Variants in DSP observed in about 807,000 individuals in gnomAD.
DSP encodes desmoplakin, also known as 250/210 kDa paraneoplastic pemphigus antigen.
In DSP, 114 loss-of-function variants were observed where a neutral mutation model predicts 290.6. The observed-to-expected ratio is 0.39, with a 90% confidence interval of 0.34 to 0.46. The LOEUF (loss-of-function observed/expected upper bound fraction) is 0.46. Among genes scored for constraint, DSP ranks in the 20% least tolerant of loss-of-function variants. The probability of loss-of-function intolerance (pLI) is 0.99; values close to 1 mark genes in which losing one functional copy is unlikely to be tolerated. For missense variants in DSP, 3,230 were observed against 3,495.8 expected, an observed-to-expected ratio of 0.92 and a Z score of 1.92; for synonymous variants, 1,311 against 1,316.4, an observed-to-expected ratio of 1.00 and a Z score of 0.09.
chr6:7,581,682 T>TTAGA, intron 23 of DSP, 113 bp downstream of exon 23: 1 of 1,464,574 alleles, frequency 6.8e-7, no homozygotes, highest in Non-Finnish European at 9.2e-7. Flanking sequence ...GAAAATCTAA[T>TTAGA]TTTTCTTTTT....
chr6:7,541,890 A>T lies in DSP; in HGVS notation c.-26A>T, dbSNP rs2113628243. On this transcript the variant is annotated 5_prime_UTR_variant, in exon 1 of 24. The change abolishes the stop of an existing upstream ORF in the 5' untranslated region. Coordinates refer to ENST00000379802, the MANE Select transcript of DSP (RefSeq NM_004415.4). ...CCGCCTCGCTTATGCCTCGGCGCTG[A>T]GCCGCTCTCCCGATTGCCCGCCGAC... is the stretch of plus-strand genomic sequence containing the variant. The T allele has an allele frequency of 6.2e-7, 1 of 1,600,780 alleles. No homozygotes were observed. Among genetic ancestry groups the T allele is most frequent in the South Asian group, 1.1e-5 (1 of 89,220 alleles).
intron 19 of DSP, among the ~76,000 whole-genome samples, chr6:7,576,661 C>T (rs1419994900): frequency 6.6e-6 from 1 of 152,130 alleles, no homozygotes; most frequent in Non-Finnish European, 1.5e-5. Flanking sequence ...ATAGAAATAA[C>T]GTGATATTGT....
rs143657621 is a variant in DSP at position 7,579,796 on chromosome 6, G to A, written c.3606G>A (p.Glu1202=). 4 of 1,613,910 alleles carry A rather than the reference G, an allele frequency of 2.5e-6. No homozygotes were observed. In the African/African-American group the frequency reaches 5.3e-5, roughly 22 times the overall value. ...LAKVRNHYNE[E]MSNLRNKYET... ...AGGTAAGAAACCACTATAATGAGGA[G>A]ATGAGTAATTTAAGGAACAAGTATG... Residue 1202 remains glutamate, a synonymous_variant, in exon 23 of 24, where the codon GAG becomes GAA. Coordinates refer to ENST00000379802, the MANE Select transcript of DSP (RefSeq NM_004415.4). This position sits in a 1 kb window ranked among gnomAD's most constrained non-coding sequence, Gnocchi z 4.1.
Position 7,582,662 on chromosome 6 carries a change from A to G in DSP, c.5400A>G (p.Glu1800=). The G allele has an allele frequency of 6.2e-7, 1 of 1,613,902 alleles. No homozygotes were observed. Among genetic ancestry groups the G allele is most frequent in the South Asian group, 1.1e-5 (1 of 91,032 alleles). ...QALEASNRIQ[E]SKNQCTQVVQ... ...TCCAGGCATCTAATAGGATTCAGGA[A>G]TCAAAGAATCAGTGTACTCAGGTGG... Residue 1800 remains glutamate, a synonymous_variant, in exon 24 of 24, where the codon GAA becomes GAG. Transcript: ENST00000379802. The surrounding 1 kb of genome is among the most constrained non-coding windows in gnomAD (Gnocchi z 4.2).
Position 7,577,007 on chromosome 6 carries a change from C to A in DSP, c.2842C>A (p.Gln948Lys). The A allele has an allele frequency of 6.2e-7, 1 of 1,611,994 alleles. No individual in the cohort carries two copies. The highest frequency in any genetic ancestry group is 8.5e-7 in the Non-Finnish European group (1 of 1,179,162). The stretch of plus-strand genomic sequence containing the variant: ...CAAACGAGACAAATCAGAGGAAGTA[C>A]AAAAAATTGCTGAACTTTGCGCCAA... The part of the protein sequence containing the change: ...SGKRDKSEEV[Q>K]KIAELCANSI... Residue 948 changes from glutamine (Q) to lysine (K), a missense_variant, in exon 20 of 24, where the codon CAA becomes AAA. Gln to Lys is a moderately conservative substitution (Grantham distance 53). Around this residue, in one of 5 missense-constraint regions of DSP, gnomAD observed 1,714 missense variants for 1,844.5 expected, o/e 0.93. Transcript: ENST00000379802.
chr6:7,549,852 C>T lies in DSP; in HGVS notation c.171-5866C>T, dbSNP rs547167041. Reference sequence around the variant, plus strand: ...CAAAAAGAAAGGCAAAGTTAGGGGGCATGGTCCAAGTGTCTAATGAGCAAC... The same window carrying T: ...CAAAAAGAAAGGCAAAGTTAGGGGGTATGGTCCAAGTGTCTAATGAGCAAC... On this transcript the variant is annotated intron_variant, in intron 1 of 23. Transcript: ENST00000379802. Among the ~76,000 whole-genome samples, 7 of 152,210 alleles carry T rather than the reference C, an allele frequency of 4.6e-5. No individual in the cohort carries two copies. In the South Asian group the frequency reaches 8.3e-4, roughly 18 times the overall value.
rs1248265041 is a variant in DSP at position 7,582,957 on chromosome 6, A to G, written c.5695A>G (p.Ile1899Val). The G allele has an allele frequency of 1.9e-6, 3 of 1,613,988 alleles. No individual in the cohort carries two copies. The highest frequency in any genetic ancestry group is 2.2e-5 in the South Asian group (2 of 91,090). The stretch of plus-strand genomic sequence containing the variant: ...AGAGAAGAACAGTCTTAGGAGTGAG[A>G]TCGAAAGACTCCAAGCAGAGATCAA... ...EREKNSLRSEIERLQAEIKRI... is the reference protein window; with the variant it reads ...EREKNSLRSEVERLQAEIKRI... Residue 1899 changes from isoleucine to valine, a missense_variant, in exon 24 of 24, where the codon ATC becomes GTC. By Grantham distance (29) the Ile-to-Val change is conservative. Around this residue, in one of 5 missense-constraint regions of DSP, gnomAD observed 1,714 missense variants for 1,844.5 expected, o/e 0.93. Transcript: ENST00000379802. This position sits in a 1 kb window ranked among gnomAD's most constrained non-coding sequence, Gnocchi z 4.2.
chr6:7,549,473 A>C (rs1372032760), intron 1 of DSP, among the ~76,000 whole-genome samples: 1 of 152,178 alleles, frequency 6.6e-6, no homozygotes, highest in African/African-American at 2.4e-5. Flanking sequence ...GTAAAGTATC[A>C]TCCTTAAATG....
intron 10 of DSP, 91 bp from the exon 11 acceptor site, chr6:7,568,346 G>A (rs1244542452): frequency 2.1e-6 from 3 of 1,396,550 alleles, no homozygotes; most frequent in African/African-American, 2.8e-5. Flanking sequence ...GATACTCAGT[G>A]TGTCATGTAG....
In DSP at chr6:7,581,127, A is replaced by G. The variant is rs754401364; in HGVS notation, c.4937A>G (p.Glu1646Gly). 6.2e-7 allele frequency: 1 copy of G among 1,614,118 alleles called. No individual in the cohort carries two copies. Among genetic ancestry groups the G allele is most frequent in the East Asian group, 2.2e-5 (1 of 44,888 alleles). The change falls in exon 23 of 24, where the codon GAA (glutamate) becomes GGA (glycine). Residue 1646 changes from glutamate to glycine, a missense_variant. Glu to Gly is a moderately conservative substitution (Grantham distance 98, BLOSUM62 -2). This residue lies in a region of DSP where 1,714 missense variants were observed against 1,844.5 expected (regional missense o/e 0.93). Coordinates refer to ENST00000379802, the MANE Select transcript of DSP (RefSeq NM_004415.4). Reference sequence around the variant, plus strand: ...GACGTGCTGGATGGCCACCTGAGGGAAAAGCAGAGGACCCAGGAAGAGCTG... The same window carrying G: ...GACGTGCTGGATGGCCACCTGAGGGGAAAGCAGAGGACCCAGGAAGAGCTG... Reference protein sequence around the residue: ...QRDVLDGHLREKQRTQEELRR... With the variant: ...QRDVLDGHLRGKQRTQEELRR...
chr6:7,543,117 T>C (rs1193247935), intron 1 of DSP, among the ~76,000 whole-genome samples: 2 of 152,170 alleles, frequency 1.3e-5, no homozygotes, highest in Non-Finnish European at 2.9e-5. Context: ...AGCTGGACTC[T>C]AGATGCCCAC....
At chr6:7,562,877 T>C (rs1758746552) in intron 5 of DSP, 97 bp downstream of exon 5, 7 of 1,556,052 alleles carry the variant, frequency 4.5e-6, no homozygotes, top group Admixed American at 1.7e-5. Flanking sequence ...ACATTGCTAT[T>C]ATTTCTTTCC....
At chr6:7,571,165 TA>T (rs950080933) in intron 13 of DSP, among the ~76,000 whole-genome samples, 1 of 144,354 alleles carries the variant, frequency 6.9e-6, no homozygotes, top group Non-Finnish European at 1.5e-5. Flanking sequence ...TGAAGAAAAA[TA>T]TTCTGTAGGC....
intron 4 of DSP, among the ~76,000 whole-genome samples, chr6:7,561,347 T>G (rs1758686803): frequency 1.3e-5 from 2 of 152,166 alleles, no homozygotes; most frequent in Non-Finnish European, 2.9e-5. Flanking sequence ...AAAAGCTGTT[T>G]GATTGCTTAC....
chr6:7,549,095 T>C (rs557284611), intron 1 of DSP, among the ~76,000 whole-genome samples: 1 of 152,314 alleles, frequency 6.6e-6, no homozygotes, highest in African/African-American at 2.4e-5. Flanking sequence ...AGTTCTGAAC[T>C]TTTGAAGGAT....
intron 1 of DSP, among the ~76,000 whole-genome samples, chr6:7,550,024 T>C (rs1211535735): frequency 1.3e-5 from 2 of 152,184 alleles, no homozygotes; most frequent in African/African-American, 4.8e-5. Context: ...GAACTTTTTT[T>C]CCTTTATCTT....
rs774198374 is a variant in DSP at position 7,567,864 on chromosome 6, C to A, written c.1224C>A (p.Asn408Lys). The A allele has an allele frequency of 6.2e-7, 1 of 1,614,122 alleles. No homozygotes were observed. Among genetic ancestry groups the A allele is most frequent in the South Asian group, 1.1e-5 (1 of 91,086 alleles). The change falls in exon 10 of 24, where the codon AAC becomes AAA. Residue 408 changes from asparagine (N) to lysine (K), a missense_variant. Coordinates refer to ENST00000379802, the MANE Select transcript of DSP (RefSeq NM_004415.4). ...SIRKKYPCDK[N>K]MPLQHLLEQI... is the part of the protein sequence containing the mutation. Reference sequence around the variant, plus strand: ...GGAAGAAGTACCCCTGCGACAAGAACATGCCCCTGCAGCACCTGCTGGAAC... The same window carrying A: ...GGAAGAAGTACCCCTGCGACAAGAAAATGCCCCTGCAGCACCTGCTGGAAC...
In DSP at chr6:7,570,657, G is replaced by A. The variant is rs1329194436; in HGVS notation, c.1701+94G>A. The A allele has an allele frequency of 4.7e-5, 74 of 1,574,688 alleles. 1 individual carries two copies. The highest frequency in any genetic ancestry group is 6.0e-5 in the Non-Finnish European group (69 of 1,156,462). On this transcript the variant is annotated intron_variant, in intron 13 of 23. Transcript: ENST00000379802. Reference sequence around the variant, plus strand: ...AACAGTTCAACCTTCTTGCTGTGTAGCAGTGCTTTTGTGTCTCGTCAAGCA... The same window carrying A: ...AACAGTTCAACCTTCTTGCTGTGTAACAGTGCTTTTGTGTCTCGTCAAGCA...
At chr6:7,575,565 A>G (rs1377464084) in intron 18 of DSP, 77 bp downstream of exon 18, 3 of 1,566,850 alleles carry the variant, frequency 1.9e-6, no homozygotes, top group Non-Finnish European at 2.6e-6. Flanking sequence ...CTTGAAGGGA[A>G]CCACTGAAGA....
Sources: gnomAD v4.1 joint callset for allele counts (sites outside exome capture counted in the v4.1 genomes callset) on GRCh38, gnomAD v4.1.1 for gene constraint, gnomAD v4.1.1 regional missense constraint, Gnocchi (gnomAD v3.1) non-coding constraint, MANE v1.5 for transcripts, NCBI Gene and HGNC (gene_info 2026-07-23, HGNC 2026-07-21) for gene names.